IGF2R: variants seen among roughly 807,000 people sequenced by gnomAD.
IGF2R encodes the protein cation-independent mannose-6-phosphate receptor.
A neutral mutation model predicts 270.6 loss-of-function variants in IGF2R; 91 were observed. The observed-to-expected ratio is 0.34, with a 90% CI of 0.28 to 0.40. IGF2R has a LOEUF of 0.40. Ranked by LOEUF, IGF2R falls within the 10% of genes least tolerant of loss-of-function variation. The pLI, the probability that IGF2R is intolerant of heterozygous loss-of-function variation, is 1.00. For missense variants in IGF2R, 2,805 were observed against 3,188.3 expected (o/e 0.88, Z 2.90); for synonymous variants, 1,316 against 1,258.9 (o/e 1.05, Z -0.96).
At chr6:160,057,231 C>T (rs1044596383) in intron 20 of IGF2R, among the ~76,000 whole-genome samples, 2 of 152,210 alleles carry the variant, frequency 1.3e-5, no homozygotes, top group Admixed American at 6.5e-5. Context: ...GCCTTCTGCC[C>T]GGGTCCATGC....
At chr6:160,036,662 G>T (rs1009944289) in intron 10 of IGF2R, among the ~76,000 whole-genome samples, 1 of 152,082 alleles carries the variant, frequency 6.6e-6, no homozygotes, top group Non-Finnish European at 1.5e-5. Flanking sequence ...TATGAGAAGG[G>T]CATTATATCG....
At position 159,998,753 on chromosome 6, in the gene IGF2R, A is replaced by G. The variant is rs1784087515; in HGVS notation, c.289+7430A>G. On this transcript the variant is annotated intron_variant, in intron 2 of 47. Transcript: ENST00000356956. The surrounding 1 kb of genome is among the most constrained non-coding windows in gnomAD (Gnocchi z 4.1). Reference sequence around the variant, plus strand: ...CGGCTCCCTTTCTTCAACTGGAGAGAGCAGTTTGTATGAGTCAATGAGAGT... The same window carrying G: ...CGGCTCCCTTTCTTCAACTGGAGAGGGCAGTTTGTATGAGTCAATGAGAGT... Among the ~76,000 whole-genome samples the G allele has an allele frequency of 6.6e-6, 1 of 152,190 alleles. No individual in the cohort carries two copies. The highest frequency in any genetic ancestry group is 2.1e-4 in the South Asian group (1 of 4,830).
Position 160,035,478 on chromosome 6 carries a change from C to T in IGF2R, c.1315+956C>T, listed in dbSNP as rs531337588. On this transcript the variant is annotated intron_variant, in intron 10 of 47. Coordinates refer to ENST00000356956, the MANE Select transcript of IGF2R (RefSeq NM_000876.4). The stretch of plus-strand genomic sequence containing the variant: ...CTGCCCTGGTAGCACCGCACCCCTG[C>T]GAACGTCCTAGCAAGCAGGCAAAGA... Among the ~76,000 whole-genome samples, 41 of 152,278 alleles carry T rather than the reference C, an allele frequency of 2.7e-4. No homozygotes were observed. In the South Asian group the frequency reaches 6.2e-3, roughly 23 times the overall value.
rs539370012 is a variant in IGF2R, at chr6:160,100,858, T to C, written c.6843-1661T>C. On this transcript the variant is annotated intron_variant, in intron 45 of 47. Coordinates refer to ENST00000356956, the MANE Select transcript of IGF2R (RefSeq NM_000876.4). ...CAGGCTGGAGTGCAGTGGTGCGATC[T>C]TGGCTCACTGCAACCTCTGCTTCCC... Among the ~76,000 whole-genome samples the C allele has an allele frequency of 2.9e-5, 4 of 136,146 alleles. No individual in the cohort carries two copies. The South Asian group carries it at 8.0e-4, about 27-fold the overall frequency. The allele number at this position is 136,146 out of a possible 152,430, so 89.3% of individuals were successfully genotyped here. A position where few individuals can be genotyped will look rare whatever the true frequency, so the allele number is the denominator to read the frequency against.
chr6:160,023,295 C>A (rs1455221867), intron 4 of IGF2R, among the ~76,000 whole-genome samples: 2 of 151,828 alleles, frequency 1.3e-5, no homozygotes, highest in Non-Finnish European at 2.9e-5. Flanking sequence ...GAGAACTTGG[C>A]GGTGGGGCAG....
At position 159,978,866 on chromosome 6, in the gene IGF2R, C is replaced by T. The variant is rs560319136; in HGVS notation, c.149+9471C>T. Among the ~76,000 whole-genome samples, 12 of 152,224 alleles carry T rather than the reference C, an allele frequency of 7.9e-5. No homozygotes were observed. In the South Asian group the frequency reaches 2.5e-3, roughly 32 times the overall value. ...TTTTTCCTTTTGTGTGCTTTTCGAT[C>T]CCCTGGGGGCAACCATTATTCAGTA... is the stretch of plus-strand genomic sequence containing the variant. On this transcript the variant is annotated intron_variant, in intron 1 of 47. Transcript: ENST00000356956.
At chr6:160,079,412 C>T (rs1036746478) in intron 37 of IGF2R, among the ~76,000 whole-genome samples, 168 bp from the exon 38 acceptor site, 5 of 152,172 alleles carry the variant, frequency 3.3e-5, no homozygotes, top group Non-Finnish European at 7.4e-5. Context: ...GGAGGCCCCC[C>T]AGGGAAAGCC....
chr6:160,100,091 A>G (rs1779448778), intron 45 of IGF2R, among the ~76,000 whole-genome samples: 1 of 152,190 alleles, frequency 6.6e-6, no homozygotes, highest in African/African-American at 2.4e-5. Context: ...AAGCAAGGAG[A>G]AAAATAAAAC....
intron 30 of IGF2R, among the ~76,000 whole-genome samples, chr6:160,069,436 T>C (rs1778666222): frequency 6.6e-6 from 1 of 152,210 alleles, no homozygotes; most frequent in African/African-American, 2.4e-5. Flanking sequence ...GGCATGGGAC[T>C]AGTTCTTCAC....
chr6:160,006,301 T>G (rs920224445), intron 2 of IGF2R: 1 of 154,386 alleles, frequency 6.5e-6, no homozygotes, highest in African/African-American at 2.4e-5. Flanking sequence ...CCAGCCCTCA[T>G]GCGCCTCCAG....
intron 1 of IGF2R, among the ~76,000 whole-genome samples, chr6:159,975,701 T>TATAA (rs1554234055): frequency 2.0e-5 from 3 of 146,648 alleles, no homozygotes; most frequent in African/African-American, 7.4e-5. Flanking sequence ...TATATATATA[T>TATAA]AAAGTATATG....
intron 42 of IGF2R, among the ~76,000 whole-genome samples, chr6:160,088,714 T>C (rs1779149005): frequency 6.6e-6 from 1 of 152,192 alleles, no homozygotes; most frequent in Non-Finnish European, 1.5e-5. Flanking sequence ...TCTGAGAAGC[T>C]TAAACAAAAA....
At chr6:159,972,795 C>T (rs528998545) in intron 1 of IGF2R, among the ~76,000 whole-genome samples, 1 of 152,346 alleles carries the variant, frequency 6.6e-6, no homozygotes, top group South Asian at 2.1e-4. Context: ...GTGGAGGGGC[C>T]TGCCCTCTGA....
intron 20 of IGF2R, 52 bp downstream of exon 20, chr6:160,056,577 C>T: frequency 8.6e-7 from 1 of 1,160,062 alleles, no homozygotes; most frequent in Non-Finnish European, 1.3e-6. Context: ...TGGACATCCT[C>T]AACTCACCCC....
intron 37 of IGF2R, 138 bp from the exon 38 acceptor site, chr6:160,079,442 T>A: frequency 1.9e-6 from 1 of 528,940 alleles, no homozygotes; most frequent in Non-Finnish European, 2.9e-6. Flanking sequence ...GGCGATTGCG[T>A]GGCTCTGATG....
intron 13 of IGF2R, among the ~76,000 whole-genome samples, 176 bp downstream of exon 13, chr6:160,044,833 C>T (rs1451429482): frequency 6.6e-6 from 1 of 152,220 alleles, no homozygotes; most frequent in Admixed American, 6.5e-5. Context: ...ATTTTTCCCT[C>T]ATCCCCTCCT....
At chr6:160,042,861 G>A (rs1583275788) in intron 11 of IGF2R, among the ~76,000 whole-genome samples, 1 of 152,150 alleles carries the variant, frequency 6.6e-6, no homozygotes, top group Non-Finnish European at 1.5e-5. Context: ...ATACTGTGGG[G>A]CTTGGGAGAA....
Position 160,062,521 on chromosome 6 carries a change from T to G in IGF2R, c.3583-11T>G. ...ACAGGAAACAAATCAGGCTGCTGAT[T>G]TATATTACAGGGCTCACCAGCATTT... On this transcript the variant is annotated splice_polypyrimidine_tract_variant and intron_variant, in intron 25 of 47. Coordinates refer to ENST00000356956, the MANE Select transcript of IGF2R (RefSeq NM_000876.4). The G allele has an allele frequency of 2.5e-6, 4 of 1,603,848 alleles. No homozygotes were observed. Among genetic ancestry groups the G allele is most frequent in the Non-Finnish European group, 2.6e-6 (3 of 1,170,922 alleles).
intron 41 of IGF2R, 112 bp downstream of exon 41, chr6:160,085,243 C>A: frequency 2.6e-6 from 3 of 1,142,312 alleles, no homozygotes; most frequent in Non-Finnish European, 3.7e-6. Context: ...TGGAAACCTC[C>A]AGATATGATT....
Sources: allele counts gnomAD v4.1 joint callset (sites outside exome capture counted in the v4.1 genomes callset), GRCh38; gene constraint gnomAD v4.1.1; non-coding constraint Gnocchi (gnomAD v3.1); transcripts MANE v1.5; gene names NCBI Gene and HGNC (gene_info 2026-07-23, HGNC 2026-07-21).